Variants in ROBO2 observed in about 807,000 individuals in gnomAD.
ROBO2 encodes the protein roundabout guidance receptor 2.
Under a neutral mutation model 160.8 loss-of-function variants are expected in ROBO2, and 53 were observed. The observed-to-expected ratio is 0.33, with a 90% confidence interval of 0.26 to 0.41. ROBO2 has a LOEUF of 0.41. Among genes scored for constraint, ROBO2 ranks in the 10% least tolerant of loss-of-function variants. The pLI is 1.00. For missense variants in ROBO2, 1,577 were observed against 1,722.4 expected, an observed-to-expected ratio of 0.92 and a Z score of 1.49; for synonymous variants, 664 against 611.7, an observed-to-expected ratio of 1.09 and a Z score of -1.26.
intron 2 of ROBO2, among the ~76,000 whole-genome samples, chr3:76,518,676 CTTTA>C (rs1242706405): frequency 1.3e-5 from 2 of 152,090 alleles, no homozygotes; most frequent in East Asian, 1.9e-4. Context: ...TAGTTCACAT[CTTTA>C]TTTGTGTTAT....
intron 2 of ROBO2, among the ~76,000 whole-genome samples, chr3:76,797,566 G>GA (rs1452316326): frequency 3.3e-5 from 5 of 149,672 alleles, no homozygotes; most frequent in Non-Finnish European, 7.4e-5. Flanking sequence ...TAGAGGAAAA[G>GA]AAAAATAAAA....
intron 2 of ROBO2, among the ~76,000 whole-genome samples, chr3:76,535,691 CA>C (rs1216588167): frequency 2.0e-5 from 3 of 152,056 alleles, no homozygotes; most frequent in Non-Finnish European, 4.4e-5. Flanking sequence ...TCCAAGTTGA[CA>C]CCAGAGTGGG....
intron 2 of ROBO2, among the ~76,000 whole-genome samples, chr3:77,214,060 T>C (rs1416339781): frequency 6.6e-6 from 1 of 152,142 alleles, no homozygotes; most frequent in East Asian, 1.9e-4. Flanking sequence ...ATTCTGTTGA[T>C]TTTGGGTGGA....
Position 76,882,086 on chromosome 3 carries a change from T to TTGTG in ROBO2, c.110-215904_110-215901dup, listed in dbSNP as rs10611502. Among the ~76,000 whole-genome samples the TTGTG allele has an allele frequency of 3.1e-3, 446 of 144,470 alleles. 1 individual carries two copies. Among genetic ancestry groups the TTGTG allele is most frequent in the African/African-American group, 0.011 (409 of 38,642 alleles). The allele number at this position is 144,470 out of a possible 152,430, so 94.8% of individuals were successfully genotyped here. ...CTGTGTCTGTTGGGTCGTAGGTTGG[T>TTGTG]TGTGTGTGTGTGTGTGTGTGTGTGT... is the stretch of plus-strand genomic sequence containing the variant. On this transcript the variant is annotated intron_variant, in intron 2 of 26. Transcript: ENST00000487694.
chr3:76,027,729 T>G (rs2066789688), intron 2 of ROBO2, among the ~76,000 whole-genome samples: 1 of 151,998 alleles, frequency 6.6e-6, no homozygotes, highest in Non-Finnish European at 1.5e-5. Context: ...CAGGATTGCC[T>G]GGTAACTTAC....
At chr3:76,801,321 A>G (rs963843509) in intron 2 of ROBO2, among the ~76,000 whole-genome samples, 5 of 152,282 alleles carry the variant, frequency 3.3e-5, no homozygotes, top group African/African-American at 9.6e-5. Context: ...GCATATAGTT[A>G]TATACAAAGA....
At chr3:76,638,916 C>T (rs556839448) in intron 2 of ROBO2, among the ~76,000 whole-genome samples, 12 of 152,286 alleles carry the variant, frequency 7.9e-5, no homozygotes, top group African/African-American at 1.9e-4. Flanking sequence ...TTAGCGCTCA[C>T]AGTCACTCCC....
chr3:77,364,600 A>G (rs1003556825), intron 2 of ROBO2, among the ~76,000 whole-genome samples: 1 of 152,186 alleles, frequency 6.6e-6, no homozygotes, highest in East Asian at 1.9e-4. Context: ...ACTGGTTCTC[A>G]TATACCAGCT....
rs1477438250 is a variant in ROBO2 at position 77,475,096 on chromosome 3, AT to A, written c.389-2317del. Among the ~76,000 whole-genome samples the A allele has an allele frequency of 1.1e-4, 17 of 150,094 alleles. 1 individual carries two copies. On this transcript the variant is annotated intron_variant, in intron 2 of 25. Transcript: ENST00000461745. ...GAGAGAGAGAGAGAAGAAACATATTATAATATCCTGAAGACTTAGGGTTAAA... is the reference window on the plus strand; with the variant it reads ...GAGAGAGAGAGAGAAGAAACATATTAAATATCCTGAAGACTTAGGGTTAAA...
At chr3:77,051,769 G>A (rs924034398) in intron 1 of ROBO2, among the ~76,000 whole-genome samples, 2 of 152,114 alleles carry the variant, frequency 1.3e-5, no homozygotes, top group African/African-American at 2.4e-5. Context: ...TGGTCAAGGA[G>A]GTGCAAGGAT....
intron 2 of ROBO2, among the ~76,000 whole-genome samples, chr3:76,909,549 T>C (rs903597455): frequency 2.6e-5 from 4 of 151,866 alleles, no homozygotes; most frequent in African/African-American, 9.7e-5. Context: ...CTCAAAAAAC[T>C]GAAACAAAAA....
intron 2 of ROBO2, among the ~76,000 whole-genome samples, chr3:77,136,438 T>A (rs1471715368): frequency 1.3e-5 from 2 of 150,868 alleles, no homozygotes; most frequent in Non-Finnish European, 3.0e-5. Context: ...TGTTAATTCA[T>A]ATCTTTTCCT....
intron 4 of ROBO2, among the ~76,000 whole-genome samples, chr3:77,490,416 G>A (rs773952670): frequency 5.3e-5 from 8 of 151,996 alleles, no homozygotes; most frequent in Non-Finnish European, 1.0e-4. Context: ...GAGAATTTTG[G>A]CATTTAATTT....
At chr3:77,159,778 A>T (rs534266412) in intron 2 of ROBO2, among the ~76,000 whole-genome samples, 1 of 152,124 alleles carries the variant, frequency 6.6e-6, no homozygotes, top group Non-Finnish European at 1.5e-5. Flanking sequence ...TTAAATAAAA[A>T]TCCTGTTTTA....
At position 77,185,806 on chromosome 3, in the gene ROBO2, C is replaced by CACAT. The variant is rs1553826118; in HGVS notation, c.388+87467_388+87468insCATA. Among the ~76,000 whole-genome samples, 55 of 151,046 alleles carry CACAT rather than the reference C, an allele frequency of 3.6e-4. No homozygotes were observed. The East Asian group carries it at 5.5e-3, about 15-fold the overall frequency. On this transcript the variant is annotated intron_variant, in intron 2 of 25. Transcript: ENST00000461745. ...GTGAATAAATAAACTGTGATACACACATATATATATATGTATATATATGAT... is the reference window on the plus strand; with the variant it reads ...GTGAATAAATAAACTGTGATACACACACATATATATATATATGTATATATATGAT...
rs181922396 is a variant in ROBO2, at chr3:76,831,593, A to T, written c.110-266421A>T. Among the ~76,000 whole-genome samples, 223 of 152,300 alleles carry T rather than the reference A, an allele frequency of 1.5e-3. 3 individuals are homozygous for T. The highest frequency in any genetic ancestry group is 0.014 in the Admixed American group (216 of 15,294). Reference sequence around the variant, plus strand: ...GCTTTTCCTCATGACTCAACTCGTTATAGGAGACCAGCGCAGCCATTTGTG... The same window carrying T: ...GCTTTTCCTCATGACTCAACTCGTTTTAGGAGACCAGCGCAGCCATTTGTG... On this transcript the variant is annotated intron_variant, in intron 2 of 26. Coordinates refer to the ROBO2 transcript ENST00000487694.
chr3:77,173,149 C>G (rs1483256030), intron 2 of ROBO2, among the ~76,000 whole-genome samples: 1 of 152,062 alleles, frequency 6.6e-6, no homozygotes, highest in African/African-American at 2.4e-5. Context: ...AAGGTAAGAA[C>G]ATTTTGTAAA....
intron 16 of ROBO2, among the ~76,000 whole-genome samples, chr3:77,583,235 A>G (rs1468526240): frequency 6.6e-6 from 1 of 151,096 alleles, no homozygotes; most frequent in East Asian, 2.0e-4. Context: ...CAACTCAGGG[A>G]TGCTGTTCAG....
chr3:76,888,146 T>G (rs2074053914), intron 2 of ROBO2, among the ~76,000 whole-genome samples: 2 of 152,142 alleles, frequency 1.3e-5, no homozygotes, highest in Admixed American at 1.3e-4. Flanking sequence ...GGTGGGTGGA[T>G]GACTTGAGGC....
Sources: allele counts gnomAD v4.1 joint callset (sites outside exome capture counted in the v4.1 genomes callset), GRCh38; gene constraint gnomAD v4.1.1; transcripts MANE v1.5; gene names NCBI Gene and HGNC (gene_info 2026-07-23, HGNC 2026-07-21).